Variants in SLC5A4 observed in about 807,000 individuals in gnomAD.
SLC5A4 encodes the protein probable glucose sensor protein SLC5A4.
SLC5A4 carries 55 observed loss-of-function variants against 70.3 expected under a neutral mutation model. That is an observed-to-expected ratio of 0.78 (90% CI 0.63 to 0.98). SLC5A4 has a LOEUF of 0.98. SLC5A4 is among the 50% of genes least tolerant of loss of function. SLC5A4 has a pLI of 0.00. For synonymous variants in SLC5A4, 268 were observed against 305.7 expected, an observed-to-expected ratio of 0.88 and a Z score of 1.29; for missense variants, 735 against 839.2, an observed-to-expected ratio of 0.88 and a Z score of 1.53.
chr22:32,306,641 A>G, the SLC5A4 span, among the ~76,000 whole-genome samples: 8 of 152,172 alleles, frequency 5.3e-5, no homozygotes, highest in East Asian at 7.7e-4. Flanking sequence ...AGGAGAGAAA[A>G]TATTTCCATC....
chr22:32,329,809 A>G, the SLC5A4 span, among the ~76,000 whole-genome samples: 219 of 8,300 alleles, frequency 0.026, no homozygotes, highest in Admixed American at 0.032. Flanking sequence ...TGTGTGTTGG[A>G]GGCTCTGGTG....
chr22:32,224,052 C>G, intron 13 of SLC5A4, among the ~76,000 whole-genome samples: 1 of 152,124 alleles, frequency 6.6e-6, no homozygotes, highest in Non-Finnish European at 1.5e-5. Flanking sequence ...TCCCGAGCAG[C>G]TGGGATTACA....
At chr22:32,303,030 A>T in the SLC5A4 span, among the ~76,000 whole-genome samples, 2 of 148,182 alleles carry the variant, frequency 1.3e-5, no homozygotes, top group African/African-American at 4.9e-5. Flanking sequence ...TTGTTTACTT[A>T]TTTTTTTTCT....
At chr22:32,306,983 G>A in the SLC5A4 span, among the ~76,000 whole-genome samples, 1 of 152,196 alleles carries the variant, frequency 6.6e-6, no homozygotes, top group South Asian at 2.1e-4. Context: ...TTTTGATTCT[G>A]TGCTCAGGGA....
chr22:32,234,052 T>C (rs551277869), intron 8 of SLC5A4, among the ~76,000 whole-genome samples: 3 of 152,248 alleles, frequency 2.0e-5, no homozygotes, highest in African/African-American at 7.2e-5. Flanking sequence ...GAAAGACAGC[T>C]AAACTCTCAT....
chr22:32,282,222 C>G, the SLC5A4 span, among the ~76,000 whole-genome samples: 2 of 152,236 alleles, frequency 1.3e-5, no homozygotes, highest in South Asian at 2.1e-4. Flanking sequence ...TTGAACACCC[C>G]CCTCCAGCAC....
chr22:32,325,998 G>A, the SLC5A4 span, among the ~76,000 whole-genome samples: 6 of 152,244 alleles, frequency 3.9e-5, no homozygotes, highest in South Asian at 2.1e-4. Flanking sequence ...GGTGAGGAGG[G>A]TCTGCAGCTG....
At position 32,255,330 on chromosome 22, in the gene SLC5A4, G is replaced by A; in HGVS notation, c.-1C>T. Reference sequence around the variant, plus strand: ...TGCTGGGGCTAACCGTACTGGCCATGGCTGCAGGCAGTGCTATACCCATTC... The same window carrying A: ...TGCTGGGGCTAACCGTACTGGCCATAGCTGCAGGCAGTGCTATACCCATTC... On this transcript the variant is annotated 5_prime_UTR_variant, in exon 1 of 15. Coordinates refer to ENST00000266086, the MANE Select transcript of SLC5A4 (RefSeq NM_014227.3). 2 of 1,614,158 alleles carry A rather than the reference G, an allele frequency of 1.2e-6. No individual in the cohort carries two copies. Among genetic ancestry groups the A allele is most frequent in the Admixed American group, 1.7e-5 (1 of 60,024 alleles).
chr22:32,270,781 A>T, the SLC5A4 span: 202 of 614,310 alleles, frequency 3.3e-4, no homozygotes, highest in African/African-American at 3.3e-3. Context: ...GGTCATCATG[A>T]GTGCCGACGG....
chr22:32,312,032 T>C, the SLC5A4 span, among the ~76,000 whole-genome samples: 1 of 152,060 alleles, frequency 6.6e-6, no homozygotes, highest in Non-Finnish European at 1.5e-5. Flanking sequence ...GGGTTAATCA[T>C]ACCTGCCTCC....
At chr22:32,237,992 TAG>T (rs1034002354) in intron 6 of SLC5A4, among the ~76,000 whole-genome samples, 1 of 152,120 alleles carries the variant, frequency 6.6e-6, no homozygotes, top group Admixed American at 6.6e-5. Context: ...TGTACCAAAA[TAG>T]AGACACTTAT....
intron 5 of SLC5A4, among the ~76,000 whole-genome samples, chr22:32,240,009 C>T (rs1157921052): frequency 1.8e-5 from 2 of 112,120 alleles, no homozygotes; most frequent in East Asian, 2.5e-4. Flanking sequence ...GGTGACAGAG[C>T]GAGACTCCAT....
chr22:32,283,831 A>G, the SLC5A4 span, among the ~76,000 whole-genome samples: 1 of 152,180 alleles, frequency 6.6e-6, no homozygotes, highest in Non-Finnish European at 1.5e-5. Context: ...TTAACAGTAG[A>G]CTTTCACCAG....
At chr22:32,345,307 C>T in the SLC5A4 span, among the ~76,000 whole-genome samples, 21 of 152,126 alleles carry the variant, frequency 1.4e-4, no homozygotes, top group East Asian at 1.9e-4. Context: ...CCAGTGTCAA[C>T]GTGTTTTTGC....
chr22:32,348,775 T>C, the SLC5A4 span, among the ~76,000 whole-genome samples: 2 of 152,174 alleles, frequency 1.3e-5, no homozygotes, highest in Admixed American at 6.5e-5. Flanking sequence ...TGGGCCCAGA[T>C]TCTGGCTCTG....
chr22:32,281,947 G>A, the SLC5A4 span, among the ~76,000 whole-genome samples: 2 of 152,092 alleles, frequency 1.3e-5, no homozygotes, highest in Admixed American at 1.3e-4. Flanking sequence ...GGGTTCAAGC[G>A]ATTCTCCTGC....
chr22:32,240,351 G>A (rs558825015), intron 5 of SLC5A4, among the ~76,000 whole-genome samples: 6 of 152,128 alleles, frequency 3.9e-5, no homozygotes, highest in African/African-American at 1.4e-4. Context: ...TCAGTGGGAA[G>A]TACATTTTCT....
the SLC5A4 span, among the ~76,000 whole-genome samples, chr22:32,308,944 T>TC: frequency 2.6e-5 from 4 of 152,118 alleles, no homozygotes; most frequent in African/African-American, 9.7e-5. Context: ...CTTCCTTCCT[T>TC]CTTACCTACC....
intron 2 of SLC5A4, among the ~76,000 whole-genome samples, chr22:32,253,459 G>C (rs1377777262): frequency 6.6e-6 from 1 of 152,218 alleles, no homozygotes; most frequent in African/African-American, 2.4e-5. Context: ...GTGAGGCATT[G>C]AAAGAGGACA....
Sources: allele counts gnomAD v4.1 joint callset (sites outside exome capture counted in the v4.1 genomes callset), GRCh38; gene constraint gnomAD v4.1.1; transcripts MANE v1.5; gene names NCBI Gene and HGNC (gene_info 2026-07-23, HGNC 2026-07-21).